SPTBN5: variants seen among roughly 807,000 people sequenced by gnomAD.
SPTBN5 encodes the protein spectrin beta chain, non-erythrocytic 5.
SPTBN5 carries 513 observed loss-of-function variants against 477.6 expected under a neutral mutation model. That is an observed-to-expected ratio of 1.07 (90% CI 1.00 to 1.16). The LOEUF is 1.16. Ranked by LOEUF, SPTBN5 falls within the 50% of genes most tolerant of loss-of-function variation. The probability of loss-of-function intolerance (pLI) is 0.00; values close to 1 mark genes in which losing one functional copy is unlikely to be tolerated. For synonymous variants in SPTBN5, 2,169 were observed against 2,011.7 expected (o/e 1.08, Z -2.09); for missense variants, 5,062 against 4,731.8 (o/e 1.07, Z -2.05).
chr15:41,884,282 G>A (rs1247572543), intron 7 of SPTBN5, among the ~76,000 whole-genome samples: 3 of 152,012 alleles, frequency 2.0e-5, no homozygotes, highest in Non-Finnish European at 2.9e-5. Flanking sequence ...CACTGCGCCC[G>A]GCCAATTTTT....
At chr15:41,867,727 G>T (rs542409729) in intron 34 of SPTBN5, 85 bp from the exon 35 acceptor site, 80 of 1,266,520 alleles carry the variant, frequency 6.3e-5, no homozygotes, top group Non-Finnish European at 8.7e-5. Flanking sequence ...GGGCACTCTG[G>T]GTATGGCAGG....
chr15:41,853,397 T>A lies in SPTBN5; in HGVS notation c.10031A>T (p.Glu3344Val). Residue 3344 changes from glutamate (E) to valine (V), a missense_variant, in exon 59 of 68, where the codon GAG (glutamate) becomes GTG (valine). Physicochemically the swap from Glu to Val is moderately radical, Grantham distance 121 (BLOSUM62 -2). Coordinates refer to ENST00000320955, the MANE Select transcript of SPTBN5 (RefSeq NM_016642.4). ...GAGCTGCTCAGCCCCCGCCACGTCC[T>A]CAGCCAGCTCCTCGGAGGACGCCAG... is the stretch of plus-strand genomic sequence containing the variant. ...QELASSEELAEDVAGAEQLLG... is the reference protein window; with the variant it reads ...QELASSEELAVDVAGAEQLLG... 1 of 1,606,582 alleles carries A rather than the reference T, an allele frequency of 6.2e-7. No homozygotes were observed. Among genetic ancestry groups the A allele is most frequent in the Non-Finnish European group, 8.5e-7 (1 of 1,175,138 alleles).
At chr15:41,854,501 A>T (rs764919622) in intron 56 of SPTBN5, among the ~76,000 whole-genome samples, 1 of 151,900 alleles carries the variant, frequency 6.6e-6, no homozygotes, top group African/African-American at 2.4e-5. Flanking sequence ...GTTCTCGGGG[A>T]TCTGGCTGAC....
chr15:41,876,873 G>A lies in SPTBN5; in HGVS notation c.3787C>T (p.Arg1263Trp), dbSNP rs773939430. ...FGRLLSTLGP[R>W]AEALRAHGEK... ...CCGTGTGCCCGCAGAGCCTCTGCCC[G>A]AGGCCCCAGGGTGCTCAGGAGCCGC... Residue 1263 changes from arginine (R) to tryptophan (W), a missense_variant, in exon 19 of 68, where the codon CGG (arginine) becomes TGG (tryptophan). Physicochemically the swap from Arg to Trp is moderately radical, Grantham distance 101. Transcript: ENST00000320955. The A allele has an allele frequency of 4.3e-6, 7 of 1,610,352 alleles. No homozygotes were observed. The East Asian group carries it at 6.7e-5, about 15-fold the overall frequency.
In SPTBN5 at chr15:41,854,831, A is replaced by T. The variant is rs746094324; in HGVS notation, c.9569T>A (p.Ile3190Asn). 1 of 1,593,312 alleles carries T rather than the reference A, an allele frequency of 6.3e-7. No individual in the cohort carries two copies. Among genetic ancestry groups the T allele is most frequent in the Non-Finnish European group, 8.5e-7 (1 of 1,171,206 alleles). The change falls in exon 56 of 68, where the codon ATT (isoleucine) becomes AAT (asparagine). Residue 3190 changes from isoleucine (I) to asparagine (N), a missense_variant. Physicochemically the swap from Ile to Asn is moderately radical, Grantham distance 149. Transcript: ENST00000320955. The part of the protein sequence containing the change: ...YPHIQAQRSR[I>N]EAAWERLDQA... ...GTCCAACCTCTCCCAAGCAGCCTCA[A>T]TGCGGCTCCTCTGGGCTTGGATGTG...
At chr15:41,868,806 C>T (rs2066430962) in intron 32 of SPTBN5, among the ~76,000 whole-genome samples, 1 of 152,220 alleles carries the variant, frequency 6.6e-6, no homozygotes, top group Admixed American at 6.5e-5. Flanking sequence ...ACCACGAACC[C>T]CCTACATGAG....
In SPTBN5 at chr15:41,879,359, G is replaced by A; in HGVS notation, c.3083C>T (p.Pro1028Leu). Residue 1028 changes from proline (P) to leucine (L), a missense_variant, in exon 16 of 68, where the codon CCA becomes CTA. By Grantham distance (98) the Pro-to-Leu change is moderately conservative (BLOSUM62 -3). Coordinates refer to ENST00000320955, the MANE Select transcript of SPTBN5 (RefSeq NM_016642.4). ...GTGGCAGGTGTCCTCTGAGCTCCCT[G>A]GCTGCAGGGCCTCCAGCTGGAGGAG... Reference protein sequence around the residue: ...DVLLQLEALQPGSSEDTCHAL... With the variant: ...DVLLQLEALQLGSSEDTCHAL... 1 of 1,609,870 alleles carries A rather than the reference G, an allele frequency of 6.2e-7. No homozygotes were observed. Among genetic ancestry groups the A allele is most frequent in the Non-Finnish European group, 8.5e-7 (1 of 1,179,742 alleles).
In SPTBN5 at chr15:41,883,591, C is replaced by T; in HGVS notation, c.1521-105G>A. The T allele has an allele frequency of 3.6e-6, 5 of 1,391,820 alleles. 1 individual carries two copies. In the South Asian group the frequency reaches 4.1e-5, roughly 11 times the overall value. 86.2% of individuals were successfully genotyped at this position (1,391,820 alleles called of 1,614,324 possible). A position where few individuals can be genotyped will look rare whatever the true frequency, so the allele number is the denominator to read the frequency against. ...GCTTGGCTGCCCTGGAAGAGTCTGACCTCCATGGCTGGGGCAAGGTCTATG... is the reference window on the plus strand; with the variant it reads ...GCTTGGCTGCCCTGGAAGAGTCTGATCTCCATGGCTGGGGCAAGGTCTATG... On this transcript the variant is annotated intron_variant, in intron 7 of 67. Transcript: ENST00000320955.
At position 41,878,356 on chromosome 15, in the gene SPTBN5, G is replaced by A; in HGVS notation, c.3456C>T (p.His1152=). Reference sequence around the variant, plus strand: ...CCTGTCCTGACCTCTCCTGCCACAGGTGGATCTCCTCCAGCAGGTCTTGGT... The same window carrying A: ...CCTGTCCTGACCTCTCCTGCCACAGATGGATCTCCTCCAGCAGGTCTTGGT... ...REHQDLLEEI[H]LWQERLQQLD... Residue 1152 remains histidine (H), a synonymous_variant, in exon 17 of 68, where the codon CAC becomes CAT. Coordinates refer to ENST00000320955, the MANE Select transcript of SPTBN5 (RefSeq NM_016642.4). The A allele has an allele frequency of 1.2e-6, 2 of 1,613,634 alleles. No individual in the cohort carries two copies. Among genetic ancestry groups the A allele is most frequent in the Non-Finnish European group, 8.5e-7 (1 of 1,179,836 alleles).
rs777174434 is a variant in SPTBN5, at chr15:41,858,888, ACCT to A, written c.8078_8079+1del. Reference sequence around the variant, plus strand: ...CCGCCTCCCTCTCCAAGCGAGGCGAACCTCCTGGGAGTCCTGCAGGAAGGCCTG... The same window carrying A: ...CCGCCTCCCTCTCCAAGCGAGGCGAACCTGGGAGTCCTGCAGGAAGGCCTG... On this transcript the variant is annotated splice_donor_variant and coding_sequence_variant, in exon 48 of 68. Coordinates refer to ENST00000320955, the MANE Select transcript of SPTBN5 (RefSeq NM_016642.4). LOFTEE classifies it high-confidence loss of function. The A allele has an allele frequency of 3.8e-6, 6 of 1,577,946 alleles. No homozygotes were observed. Among genetic ancestry groups the A allele is most frequent in the Non-Finnish European group, 5.2e-6 (6 of 1,159,008 alleles).
intron 67 of SPTBN5, among the ~76,000 whole-genome samples, chr15:41,849,320 G>A (rs906975750): frequency 6.6e-6 from 1 of 152,174 alleles, no homozygotes; most frequent in African/African-American, 2.4e-5. Flanking sequence ...ATCCACCTTC[G>A]CATCTCCTCC....
At chr15:41,878,291 A>C (rs563040554) in intron 17 of SPTBN5, 51 bp downstream of exon 17, 2 of 1,585,182 alleles carry the variant, frequency 1.3e-6, no homozygotes, top group Non-Finnish European at 1.7e-6. Context: ...CCCAGAGCCC[A>C]GAGCCCTGGT....
In SPTBN5 at chr15:41,881,988, C is replaced by A. The variant is rs761932649; in HGVS notation, c.2405G>T (p.Arg802Leu). The A allele has an allele frequency of 6.5e-7, 1 of 1,537,684 alleles. No individual in the cohort carries two copies. The highest frequency in any genetic ancestry group is 1.2e-5 in the South Asian group (1 of 84,436). ...CGCCCGCCCCTGCTCCTCCAGCCGCCGCAGCTCGGCCGCGAAGGCGCGCAG... is the reference window on the plus strand; with the variant it reads ...CGCCCGCCCCTGCTCCTCCAGCCGCAGCAGCTCGGCCGCGAAGGCGCGCAG... Reference protein sequence around the residue: ...RVLRAFAAELRRLEEQGRAAS... With the variant: ...RVLRAFAAELLRLEEQGRAAS... Residue 802 changes from arginine to leucine, a missense_variant, in exon 12 of 68, where the codon CGG (arginine) becomes CTG (leucine). Coordinates refer to ENST00000320955, the MANE Select transcript of SPTBN5 (RefSeq NM_016642.4).
At position 41,886,245 on chromosome 15, in the gene SPTBN5, G is replaced by A. The variant is rs61729437; in HGVS notation, c.1010C>T (p.Ser337Leu). ...MQLEARDFPD[S>L]LPAMRQLLAA... The stretch of plus-strand genomic sequence containing the variant: ...CAGTAGCTGCCGCATGGCGGGCAGC[G>A]AGTCTGGAAAATCCCGCGCCTCCAG... The change falls in exon 7 of 68, where the codon TCG (serine) becomes TTG (leucine). Residue 337 changes from serine (S) to leucine (L), a missense_variant. Ser to Leu is a moderately radical substitution (Grantham distance 145). Transcript: ENST00000320955. 1.5e-5 allele frequency: 25 copies of A among 1,613,038 alleles called. No individual in the cohort carries two copies. The highest frequency in any genetic ancestry group is 1.6e-4 in the Middle Eastern group (1 of 6,084).
intron 16 of SPTBN5, among the ~76,000 whole-genome samples, chr15:41,879,053 A>G (rs2066849961): frequency 6.6e-6 from 1 of 152,182 alleles, no homozygotes; most frequent in African/African-American, 2.4e-5. Flanking sequence ...CGACAGAGCA[A>G]GACTCCGTCT....
At chr15:41,884,802 T>C (rs1228771270) in intron 7 of SPTBN5, among the ~76,000 whole-genome samples, 1 of 152,174 alleles carries the variant, frequency 6.6e-6, no homozygotes, top group Non-Finnish European at 1.5e-5. Flanking sequence ...CTTGTTCACT[T>C]TGGCCAACAC....
chr15:41,853,270 G>A lies in SPTBN5; in HGVS notation c.10158C>T (p.Phe3386=), dbSNP rs1238543793. Residue 3386 remains phenylalanine (F), a synonymous_variant, in exon 59 of 68, where the codon TTC becomes TTT. Coordinates refer to ENST00000320955, the MANE Select transcript of SPTBN5 (RefSeq NM_016642.4). ...EGQQLVDNSH[F]MSAEVTECLQ... The stretch of plus-strand genomic sequence containing the variant: ...TCTGAGTTCACACCTCCGCAGACAT[G>A]AAGTGGCTGTTGTCCACCAGCTGCT... 1.2e-6 allele frequency: 2 copies of A among 1,605,172 alleles called. No homozygotes were observed. Among genetic ancestry groups the A allele is most frequent in the Non-Finnish European group, 1.7e-6 (2 of 1,174,028 alleles).
chr15:41,855,272 C>A lies in SPTBN5; in HGVS notation c.9375G>T (p.Ala3125=). The A allele has an allele frequency of 6.2e-7, 1 of 1,612,490 alleles. No individual in the cohort carries two copies. The highest frequency in any genetic ancestry group is 2.2e-5 in the East Asian group (1 of 44,854). Reference sequence around the variant, plus strand: ...CGTAGTCCTGGGACTCGGCGGTGGCCGCCTTGGTGGTCAGCCAGGCGTCGA... The same window carrying A: ...CGTAGTCCTGGGACTCGGCGGTGGCAGCCTTGGTGGTCAGCCAGGCGTCGA... ...LLLDAWLTTK[A]ATAESQDYGQ... Residue 3125 remains alanine (A), a synonymous_variant, in exon 55 of 68, where the codon GCG becomes GCT. Coordinates refer to ENST00000320955, the MANE Select transcript of SPTBN5 (RefSeq NM_016642.4).
chr15:41,870,495 G>T lies in SPTBN5; in HGVS notation c.5513C>A (p.Thr1838Asn). The T allele has an allele frequency of 9.9e-6, 16 of 1,613,270 alleles. No individual in the cohort carries two copies. Among genetic ancestry groups the T allele is most frequent in the Non-Finnish European group, 1.3e-5 (15 of 1,179,798 alleles). Residue 1838 changes from threonine (T) to asparagine (N), a missense_variant, in exon 30 of 68, where the codon ACC becomes AAC. Coordinates refer to ENST00000320955, the MANE Select transcript of SPTBN5 (RefSeq NM_016642.4). ...GAGATCTCTGTGAACTCTGAGGGTG[G>T]TCTCGGTGTCTCGGAGCGCGTGGCC... is the stretch of plus-strand genomic sequence containing the variant. The part of the protein sequence containing the change: ...ARGHALRDTE[T>N]TLRVHRDLLE...
Sources: allele counts gnomAD v4.1 joint callset (sites outside exome capture counted in the v4.1 genomes callset), GRCh38; gene constraint gnomAD v4.1.1; transcripts MANE v1.5; gene names NCBI Gene and HGNC (gene_info 2026-07-23, HGNC 2026-07-21).